The following SYCP1 variants were observed in gnomAD, a reference collection of about 807,000 sequenced individuals.
SYCP1 encodes the protein synaptonemal complex protein 1.
A neutral mutation model predicts 153.1 loss-of-function variants in SYCP1; 64 were observed. That is an observed-to-expected ratio of 0.42 (90% CI 0.34 to 0.51). The LOEUF (loss-of-function observed/expected upper bound fraction) is 0.51. Ranked by LOEUF, SYCP1 falls within the 20% of genes least tolerant of loss-of-function variation. SYCP1 has a pLI of 0.06. For missense variants in SYCP1, 997 were observed against 1,049.0 expected (o/e 0.95, Z 0.68); for synonymous variants, 384 against 341.8 (o/e 1.12, Z -1.36).
intron 27 of SYCP1, among the ~76,000 whole-genome samples, chr1:114,956,819 C>A (rs1437356079): frequency 6.6e-6 from 1 of 152,176 alleles, no homozygotes; most frequent in Non-Finnish European, 1.5e-5. Context: ...GGAAACACAA[C>A]AACCAGACTT....
intron 15 of SYCP1, 136 bp downstream of exon 15, chr1:114,887,829 A>G (rs1327565356): frequency 2.4e-5 from 13 of 530,792 alleles, no homozygotes; most frequent in Non-Finnish European, 3.7e-5. Flanking sequence ...TTTTATTTCA[A>G]TATTTGAAGG....
chr1:114,944,424 A>G lies in SYCP1; in HGVS notation c.2012A>G (p.Lys671Arg), dbSNP rs774859982. The G allele has an allele frequency of 1.2e-6, 2 of 1,603,298 alleles. No individual in the cohort carries two copies. Among genetic ancestry groups the G allele is most frequent in the South Asian group, 2.2e-5 (2 of 89,012 alleles). Reference protein sequence around the residue: ...TDTYQKEIEDKKISEENLLEE... With the variant: ...TDTYQKEIEDRKISEENLLEE... ...ACCTATCAGAAAGAAATTGAGGACA[A>G]AAAGATATCAGAAGAAAATCTTTTG... The change falls in exon 24 of 32, where the codon AAA becomes AGA. Residue 671 changes from lysine to arginine, a missense_variant. Lys to Arg is a conservative substitution (Grantham distance 26). This residue lies in a region of SYCP1 where 712 missense variants were observed against 682.9 expected (regional missense o/e 1.04). Transcript: ENST00000369522.
At chr1:114,945,460 C>A (rs1451739855) in intron 25 of SYCP1, among the ~76,000 whole-genome samples, 1 of 150,656 alleles carries the variant, frequency 6.6e-6, no homozygotes, top group Non-Finnish European at 1.5e-5. Context: ...AGCCTCATTC[C>A]CCTTAAGATT....
At position 114,955,200 on chromosome 1, in the gene SYCP1, T is replaced by G. The variant is rs377247557; in HGVS notation, c.2322+7880T>G. 4.6e-5 allele frequency among the ~76,000 whole-genome samples: 7 copies of G among 152,324 alleles called. No homozygotes were observed. In the East Asian group the frequency reaches 9.7e-4, roughly 21 times the overall value. On this transcript the variant is annotated intron_variant, in intron 27 of 31. Transcript: ENST00000369522. Reference sequence around the variant, plus strand: ...TTTTTATCTTGTTGATATGGTGGATTACCTTGGTTGATTTTTTGAATGCTA... The same window carrying G: ...TTTTTATCTTGTTGATATGGTGGATGACCTTGGTTGATTTTTTGAATGCTA...
intron 27 of SYCP1, among the ~76,000 whole-genome samples, chr1:114,959,334 T>A (rs1214274295): frequency 1.3e-5 from 2 of 152,192 alleles, no homozygotes; most frequent in Non-Finnish European, 2.9e-5. Context: ...TGGTATATAA[T>A]CCCCATTTTA....
At chr1:114,927,816 G>A (rs1236550803) in intron 23 of SYCP1, among the ~76,000 whole-genome samples, 2 of 151,880 alleles carry the variant, frequency 1.3e-5, no homozygotes, top group African/African-American at 2.4e-5. Flanking sequence ...AGAGAATAGG[G>A]CAAATAAAAT....
intron 27 of SYCP1, among the ~76,000 whole-genome samples, chr1:114,972,381 T>A (rs1399248429): frequency 6.6e-6 from 1 of 152,112 alleles, no homozygotes; most frequent in East Asian, 1.9e-4. Flanking sequence ...TTTGTTTCGT[T>A]GATCTTTTGT....
At chr1:114,879,004 C>T (rs1305797303) in intron 12 of SYCP1, among the ~76,000 whole-genome samples, 1 of 152,076 alleles carries the variant, frequency 6.6e-6, no homozygotes, top group Non-Finnish European at 1.5e-5. Flanking sequence ...GTGGAATAAA[C>T]GGCTTGTGCA....
rs1218661637 is a variant in SYCP1, at chr1:114,947,616, A to G, written c.2322+296A>G. ...ATCATGAGGTCAGGAGATCGAGACC[A>G]TCCTGGCTAACACGGTGAAACCCTG... is the stretch of plus-strand genomic sequence containing the variant. On this transcript the variant is annotated intron_variant, in intron 27 of 31. Coordinates refer to ENST00000369522, the MANE Select transcript of SYCP1 (RefSeq NM_003176.4). Among the ~76,000 whole-genome samples, 6 of 151,888 alleles carry G rather than the reference A, an allele frequency of 4.0e-5. No homozygotes were observed. The South Asian group carries it at 1.0e-3, about 26-fold the overall frequency.
At chr1:114,868,907 A>G (rs1313510666) in intron 8 of SYCP1, among the ~76,000 whole-genome samples, 1 of 152,116 alleles carries the variant, frequency 6.6e-6, no homozygotes, top group Admixed American at 6.5e-5. Flanking sequence ...TCATTTATGG[A>G]TTAGTAATTT....
intron 6 of SYCP1, 137 bp from the exon 7 acceptor site, chr1:114,859,606 G>A (rs946562241): frequency 5.4e-6 from 2 of 368,322 alleles, no homozygotes; most frequent in Non-Finnish European, 8.6e-6. Context: ...TTACAAAAAT[G>A]TTTCCTTTTT....
At chr1:114,914,405 ATT>A (rs532170484) in intron 20 of SYCP1, among the ~76,000 whole-genome samples, 1 of 147,586 alleles carries the variant, frequency 6.8e-6, no homozygotes, top group African/African-American at 2.5e-5. Flanking sequence ...CCCACTCTAT[ATT>A]TTTTTTTTTA....
chr1:114,971,218 A>T (rs1330684067), intron 27 of SYCP1, among the ~76,000 whole-genome samples: 1 of 152,154 alleles, frequency 6.6e-6, no homozygotes, highest in Non-Finnish European at 1.5e-5. Context: ...GAGAAAAACC[A>T]TCAGGTGGGG....
intron 27 of SYCP1, among the ~76,000 whole-genome samples, chr1:114,962,796 T>C (rs1345596033): frequency 6.6e-6 from 1 of 152,188 alleles, no homozygotes; most frequent in Non-Finnish European, 1.5e-5. Context: ...AAATTCTATT[T>C]TGGTGTATTT....
Position 114,947,244 on chromosome 1 carries a change from A to G in SYCP1, c.2248-2A>G, listed in dbSNP as rs201885092. 53 of 1,603,958 alleles carry G rather than the reference A, an allele frequency of 3.3e-5. No homozygotes were observed. The highest frequency in any genetic ancestry group is 1.7e-4 in the Middle Eastern group (1 of 6,016). On this transcript the variant is annotated splice_acceptor_variant, in intron 26 of 31. Coordinates refer to ENST00000369522, the MANE Select transcript of SYCP1 (RefSeq NM_003176.4). LOFTEE classifies it high-confidence loss of function. ...CTAAACTTCATGTTTCTTTTTCTTT[A>G]GGAGATTGAACTATCCAATCTCAAA...
chr1:114,986,052 A>G (rs1052461908), intron 30 of SYCP1, among the ~76,000 whole-genome samples: 4 of 151,998 alleles, frequency 2.6e-5, no homozygotes, highest in Admixed American at 6.6e-5. Context: ...AGGAGGAAGT[A>G]CATAGGTTAC....
chr1:114,885,417 C>G (rs1000845909), intron 12 of SYCP1, 118 bp from the exon 13 acceptor site: 5 of 568,084 alleles, frequency 8.8e-6, no homozygotes, highest in Non-Finnish European at 1.5e-5. Flanking sequence ...TGCATATTTT[C>G]TTCTCATTTT....
Position 114,943,422 on chromosome 1 carries a change from G to T in SYCP1, c.1927-917G>T, listed in dbSNP as rs115090981. The stretch of plus-strand genomic sequence containing the variant: ...ACACTACTCAGCAGTGAAAATGAAA[G>T]AACTGTATTTTTACACATAAATACC... On this transcript the variant is annotated intron_variant, in intron 23 of 31. Coordinates refer to ENST00000369522, the MANE Select transcript of SYCP1 (RefSeq NM_003176.4). 7.7e-3 allele frequency among the ~76,000 whole-genome samples: 1,172 copies of T among 151,768 alleles called. 10 individuals are homozygous for T. The highest frequency in any genetic ancestry group is 0.027 in the African/African-American group (1,110 of 41,470).
At chr1:114,885,903 T>G (rs530648886) in intron 13 of SYCP1, among the ~76,000 whole-genome samples, 12 of 152,266 alleles carry the variant, frequency 7.9e-5, no homozygotes, top group African/African-American at 2.9e-4. Flanking sequence ...ATGGCTGGTT[T>G]GGCTAGGAAG....
Sources: gnomAD v4.1 joint callset for allele counts (sites outside exome capture counted in the v4.1 genomes callset) on GRCh38, gnomAD v4.1.1 for gene constraint, gnomAD v4.1.1 regional missense constraint, MANE v1.5 for transcripts, NCBI Gene and HGNC (gene_info 2026-07-23, HGNC 2026-07-21) for gene names.